SMAD1: variants seen among roughly 807,000 people sequenced by gnomAD.
SMAD1 encodes SMAD family member 1.
A neutral mutation model predicts 41.6 loss-of-function variants in SMAD1; 6 were observed. The observed-to-expected ratio is 0.14, with a 90% CI of 0.08 to 0.28. The LOEUF (loss-of-function observed/expected upper bound fraction) is 0.28. Among genes scored for constraint, SMAD1 ranks in the 10% least tolerant of loss-of-function variants. The probability of loss-of-function intolerance (pLI) is 1.00; values close to 1 mark genes in which losing one functional copy is unlikely to be tolerated. For missense variants in SMAD1, 379 were observed against 582.6 expected (o/e 0.65, Z 3.60); for synonymous variants, 206 against 203.2 (o/e 1.01, Z -0.12).
chr4:145,546,402 C>T, intron 4 of SMAD1: 1 of 352,468 alleles, frequency 2.8e-6, no homozygotes, highest in African/African-American at 2.0e-5. Flanking sequence ...TATTACAGAG[C>T]AATTAGCATA....
At chr4:145,547,175 T>C (rs1732293974) in intron 5 of SMAD1, among the ~76,000 whole-genome samples, 1 of 152,240 alleles carries the variant, frequency 6.6e-6, no homozygotes, top group Non-Finnish European at 1.5e-5. Context: ...TAAGACACTA[T>C]TCTGTATGAT....
chr4:145,532,449 G>A lies in SMAD1; in HGVS notation c.401-7355G>A, dbSNP rs368242737. Among the ~76,000 whole-genome samples, 66 of 152,320 alleles carry A rather than the reference G, an allele frequency of 4.3e-4. 1 individual carries two copies. The South Asian group carries it at 0.012, about 27-fold the overall frequency. ...GGGCGTTTTTTCAGAATATATTTGAGGGGTTAGGGTGGGAGAAAAGATTTG... is the reference window on the plus strand; with the variant it reads ...GGGCGTTTTTTCAGAATATATTTGAAGGGTTAGGGTGGGAGAAAAGATTTG... On this transcript the variant is annotated intron_variant, in intron 2 of 6. Coordinates refer to ENST00000302085, the MANE Select transcript of SMAD1 (RefSeq NM_005900.3).
intron 1 of SMAD1, among the ~76,000 whole-genome samples, chr4:145,503,273 A>G (rs1349657470): frequency 2.0e-5 from 3 of 152,054 alleles, no homozygotes; most frequent in Non-Finnish European, 4.4e-5. Context: ...AACTGAGAGC[A>G]GCAGAGTTCT....
intron 2 of SMAD1, among the ~76,000 whole-genome samples, 163 bp downstream of exon 2, chr4:145,515,176 G>A (rs894963203): frequency 1.4e-5 from 2 of 145,616 alleles, no homozygotes; most frequent in African/African-American, 5.1e-5. Flanking sequence ...GTGTGTGTGT[G>A]TCTGTGTGAA....
chr4:145,542,845 T>A, intron 4 of SMAD1, 147 bp downstream of exon 4: 1 of 548,558 alleles, frequency 1.8e-6, no homozygotes, highest in South Asian at 2.8e-5. Flanking sequence ...CTACAATTGC[T>A]GGATAACAAG....
In SMAD1 at chr4:145,552,652, A is replaced by G. The variant is rs561825301; in HGVS notation, c.998-1132A>G. ...TTTTCATGTTTTTTTACTGGATCTT[A>G]TATCTTACAGCTTTCGGCAATACTT... On this transcript the variant is annotated intron_variant, in intron 5 of 6. Coordinates refer to ENST00000302085, the MANE Select transcript of SMAD1 (RefSeq NM_005900.3). 2.0e-3 allele frequency among the ~76,000 whole-genome samples: 302 copies of G among 152,112 alleles called. 2 individuals are homozygous for G. The highest frequency in any genetic ancestry group is 7.0e-3 in the African/African-American group (290 of 41,502).
At chr4:145,545,559 TGTGTGTGTG>T (rs1732204841) in intron 4 of SMAD1, 1 of 81,078 alleles carries the variant, frequency 1.2e-5, no homozygotes, top group African/African-American at 4.5e-5. Context: ...GTTTTTTTTT[TGTGTGTGTG>T]TGTGTGTGTG....
chr4:145,485,079 A>G (rs1404690874), intron 1 of SMAD1, among the ~76,000 whole-genome samples: 1 of 151,846 alleles, frequency 6.6e-6, no homozygotes, highest in African/African-American at 2.4e-5. Context: ...TTATTATTCT[A>G]TTTTTTTGAG....
At chr4:145,535,679 G>A (rs994003130) in intron 2 of SMAD1, among the ~76,000 whole-genome samples, 2 of 152,044 alleles carry the variant, frequency 1.3e-5, no homozygotes, top group Non-Finnish European at 2.9e-5. Flanking sequence ...TGAAATTGGT[G>A]ACCCTAGGAG....
intron 2 of SMAD1, among the ~76,000 whole-genome samples, chr4:145,526,062 C>T (rs1731001312): frequency 6.6e-6 from 1 of 152,178 alleles, no homozygotes; most frequent in Non-Finnish European, 1.5e-5. Flanking sequence ...TTTATTCTTT[C>T]GCATGAGAAA....
At chr4:145,548,485 C>T (rs1027893879) in intron 5 of SMAD1, among the ~76,000 whole-genome samples, 14 of 152,246 alleles carry the variant, frequency 9.2e-5, no homozygotes, top group Non-Finnish European at 1.5e-4. Flanking sequence ...GCCTTGGCCT[C>T]CCAAAATTCT....
intron 2 of SMAD1, among the ~76,000 whole-genome samples, chr4:145,528,562 C>T (rs1731159919): frequency 6.6e-6 from 1 of 152,148 alleles, no homozygotes; most frequent in Admixed American, 6.5e-5. Context: ...TTATTAGATA[C>T]CAAGTATCTC....
intron 2 of SMAD1, among the ~76,000 whole-genome samples, chr4:145,519,375 C>T (rs1018853085): frequency 1.1e-4 from 17 of 149,874 alleles, no homozygotes; most frequent in Non-Finnish European, 1.9e-4. Context: ...GGATTATAGG[C>T]GTGAGCCACT....
intron 2 of SMAD1, among the ~76,000 whole-genome samples, chr4:145,538,269 CAA>C (rs1228725944): frequency 1.3e-5 from 2 of 152,204 alleles, no homozygotes; most frequent in Non-Finnish European, 2.9e-5. Flanking sequence ...TTCAACAAAA[CAA>C]AAGCATTTTA....
chr4:145,490,779 A>G (rs1728731169), intron 1 of SMAD1, among the ~76,000 whole-genome samples: 1 of 152,244 alleles, frequency 6.6e-6, no homozygotes, highest in Non-Finnish European at 1.5e-5. Context: ...GGTTTCTAAG[A>G]AAAGTATAGA....
chr4:145,524,868 A>C (rs1381387724), intron 2 of SMAD1, among the ~76,000 whole-genome samples: 1 of 152,208 alleles, frequency 6.6e-6, no homozygotes, highest in African/African-American at 2.4e-5. Flanking sequence ...ATTTTAAATT[A>C]AAAGAAAAAA....
At chr4:145,504,123 C>G (rs954337054) in intron 1 of SMAD1, 1 of 152,114 alleles carries the variant, frequency 6.6e-6, no homozygotes, top group Non-Finnish European at 1.5e-5. Flanking sequence ...GAACTTAACT[C>G]TTGTTTATAT....
chr4:145,504,436 AG>A (rs1376898561), intron 1 of SMAD1, among the ~76,000 whole-genome samples: 1 of 152,240 alleles, frequency 6.6e-6, no homozygotes, highest in Non-Finnish European at 1.5e-5. Context: ...CCTTAAGGGT[AG>A]ATATTTATCA....
chr4:145,489,834 C>T (rs1728681198), intron 1 of SMAD1, among the ~76,000 whole-genome samples: 1 of 152,216 alleles, frequency 6.6e-6, no homozygotes, highest in African/African-American at 2.4e-5. Flanking sequence ...ATTGAATCTT[C>T]CATTGGAGCC....
Sources: allele counts gnomAD v4.1 joint callset (sites outside exome capture counted in the v4.1 genomes callset), GRCh38; gene constraint gnomAD v4.1.1; transcripts MANE v1.5; gene names NCBI Gene and HGNC (gene_info 2026-07-23, HGNC 2026-07-21).